ANK3: variants seen among roughly 807,000 people sequenced by gnomAD.
ANK3 encodes ankyrin 3.
ANK3 carries 57 observed loss-of-function variants against 370.9 expected under a neutral mutation model. The ratio of observed to expected loss-of-function variants is 0.15; its 90% CI spans 0.12 to 0.19. The LOEUF (loss-of-function observed/expected upper bound fraction) is 0.19. Ranked by LOEUF, ANK3 falls within the 10% of genes least tolerant of loss-of-function variation. The pLI, the probability that ANK3 is intolerant of heterozygous loss-of-function variation, is 1.00. For missense variants in ANK3, 4,439 were observed against 5,302.1 expected, an observed-to-expected ratio of 0.84 and a Z score of 5.06; for synonymous variants, 1,929 against 1,946.3, an observed-to-expected ratio of 0.99 and a Z score of 0.23.
chr10:60,069,120 C>T lies in ANK3; in HGVS notation c.11761G>A (p.Asp3921Asn). The T allele has an allele frequency of 6.2e-7, 1 of 1,614,104 alleles. No homozygotes were observed. The highest frequency in any genetic ancestry group is 2.2e-5 in the East Asian group (1 of 44,870). ...GCTTTTCTAACTGCAATTATGTTAT[C>T]CCTGTGTGTGTTTTTCACTGGAATT... ...SRIPVKNTHR[D>N]NIIAVRKACA... Residue 3921 changes from aspartate to asparagine, a missense_variant, in exon 37 of 44, where the codon GAT (aspartate) becomes AAT (asparagine). Around this residue, in one of 13 missense-constraint regions of ANK3, gnomAD observed 496 missense variants for 529.3 expected, o/e 0.94. Transcript: ENST00000280772.
At chr10:60,462,196 C>CAA (rs146157734) in intron 2 of ANK3, among the ~76,000 whole-genome samples, 9 of 146,242 alleles carry the variant, frequency 6.2e-5, no homozygotes, top group East Asian at 4.0e-4. Flanking sequence ...AACAAACAAA[C>CAA]AAAAAAAAAA....
At chr10:60,258,813 C>T (rs2097768994) in intron 7 of ANK3, among the ~76,000 whole-genome samples, 3 of 128,940 alleles carry the variant, frequency 2.3e-5, no homozygotes. Flanking sequence ...CCACTCCCTA[C>T]TGTATTTTGT....
At chr10:60,524,414 G>C (rs2076421237) in intron 2 of ANK3, among the ~76,000 whole-genome samples, 1 of 152,224 alleles carries the variant, frequency 6.6e-6, no homozygotes, top group African/African-American at 2.4e-5. Flanking sequence ...TTGTGGGAGG[G>C]ACCCAGTGGG....
At chr10:60,378,106 C>T (rs891927320) in intron 1 of ANK3, among the ~76,000 whole-genome samples, 1 of 151,984 alleles carries the variant, frequency 6.6e-6, no homozygotes, top group Non-Finnish European at 1.5e-5. Flanking sequence ...GAAAACAATC[C>T]CCATCACTTC....
chr10:60,202,882 G>A (rs1476068084), intron 12 of ANK3, 120 bp downstream of exon 12: 1 of 649,778 alleles, frequency 1.5e-6, no homozygotes, highest in Admixed American at 3.0e-5. Flanking sequence ...ATTCCAGTCT[G>A]GGAGACAGAG....
chr10:60,662,855 C>A (rs923297114), intron 1 of ANK3, among the ~76,000 whole-genome samples: 6 of 152,036 alleles, frequency 3.9e-5, no homozygotes, highest in Admixed American at 3.3e-4. Flanking sequence ...ATTAAACTGG[C>A]CTTTAAGATA....
intron 1 of ANK3, among the ~76,000 whole-genome samples, chr10:60,724,164 C>A (rs567003911): frequency 8.0e-6 from 1 of 125,612 alleles, no homozygotes. Flanking sequence ...GAGCCGAGAT[C>A]GCGCCACTGC....
chr10:60,564,569 T>C (rs1321660656), intron 2 of ANK3, among the ~76,000 whole-genome samples: 1 of 152,116 alleles, frequency 6.6e-6, no homozygotes, highest in East Asian at 1.9e-4. Flanking sequence ...CAGGACCAGA[T>C]AAGAATACAA....
chr10:60,212,260 T>C (rs988023661), intron 9 of ANK3, among the ~76,000 whole-genome samples: 11 of 152,082 alleles, frequency 7.2e-5, no homozygotes, highest in African/African-American at 2.7e-4. Flanking sequence ...TGGGAGGGTT[T>C]TTAAGCAGGA....
At chr10:60,397,639 T>C (rs557002106) in intron 2 of ANK3, among the ~76,000 whole-genome samples, 3 of 152,330 alleles carry the variant, frequency 2.0e-5, no homozygotes, top group East Asian at 3.9e-4. Flanking sequence ...ACTTGGCAAG[T>C]GTTAGCAGGT....
chr10:60,553,442 A>C (rs2133236137), intron 2 of ANK3, among the ~76,000 whole-genome samples: 1 of 152,306 alleles, frequency 6.6e-6, no homozygotes, highest in East Asian at 1.9e-4. Flanking sequence ...TGATATAGTT[A>C]ATTCATAATA....
At chr10:60,619,813 C>T (rs1293823727) in intron 1 of ANK3, among the ~76,000 whole-genome samples, 7 of 152,182 alleles carry the variant, frequency 4.6e-5, no homozygotes, top group Non-Finnish European at 1.0e-4. Context: ...GAAACTGATG[C>T]CTACAGTCTC....
chr10:60,150,016 C>T (rs1235623120), intron 23 of ANK3, among the ~76,000 whole-genome samples: 1 of 152,182 alleles, frequency 6.6e-6, no homozygotes, highest in Non-Finnish European at 1.5e-5. Flanking sequence ...GCCTCCTATA[C>T]CACTTGTGCT....
At chr10:60,645,891 C>A (rs944306611) in intron 1 of ANK3, among the ~76,000 whole-genome samples, 1 of 152,124 alleles carries the variant, frequency 6.6e-6, no homozygotes, top group Non-Finnish European at 1.5e-5. Context: ...TCCCTTCTTG[C>A]GGAGCTTACA....
intron 1 of ANK3, among the ~76,000 whole-genome samples, chr10:60,382,210 G>T (rs1301611295): frequency 6.6e-6 from 1 of 151,992 alleles, no homozygotes; most frequent in Non-Finnish European, 1.5e-5. Flanking sequence ...CCCTCTTAGG[G>T]CCTAGTTCTA....
At position 60,208,199 on chromosome 10, in the gene ANK3, C is replaced by G; in HGVS notation, c.1031G>C (p.Gly344Ala). The stretch of plus-strand genomic sequence containing the variant: ...AAGCTGGACGCAGTTTAAATGATCC[C>G]CTTGTGTGGCCATGTGCAATGGAGA... The part of the protein sequence containing the change: ...GLSPLHMATQ[G>A]DHLNCVQLLL... Residue 344 changes from glycine to alanine, a missense_variant, in exon 10 of 44, where the codon GGG becomes GCG. By Grantham distance (60) the Gly-to-Ala change is moderately conservative (BLOSUM62 0). Transcript: ENST00000280772. 1 of 1,614,106 alleles carries G rather than the reference C, an allele frequency of 6.2e-7. No individual in the cohort carries two copies. The highest frequency in any genetic ancestry group is 8.5e-7 in the Non-Finnish European group (1 of 1,179,980).
chr10:60,664,972 C>G (rs193230927), intron 1 of ANK3, among the ~76,000 whole-genome samples: 29 of 152,230 alleles, frequency 1.9e-4, no homozygotes, highest in African/African-American at 7.0e-4. Flanking sequence ...TAAATTTTTA[C>G]AGGATCGTGT....
At chr10:60,733,098 A>C (rs1449431120) in intron 1 of ANK3, among the ~76,000 whole-genome samples, 1 of 151,784 alleles carries the variant, frequency 6.6e-6, no homozygotes, top group African/African-American at 2.4e-5. Context: ...GATCCGCAGG[A>C]ACCGGGTCCC....
intron 2 of ANK3, among the ~76,000 whole-genome samples, chr10:60,452,486 G>C (rs1418007009): frequency 2.0e-5 from 3 of 152,150 alleles, no homozygotes; most frequent in Non-Finnish European, 4.4e-5. Context: ...TATCTTCAGT[G>C]AACTAAAGAG....
Sources: gnomAD v4.1 joint callset for allele counts (sites outside exome capture counted in the v4.1 genomes callset) on GRCh38, gnomAD v4.1.1 for gene constraint, gnomAD v4.1.1 regional missense constraint, MANE v1.5 for transcripts, NCBI Gene and HGNC (gene_info 2026-07-23, HGNC 2026-07-21) for gene names.